The following ZC2HC1B variants were observed in gnomAD, a reference collection of about 807,000 sequenced individuals.
ZC2HC1B encodes zinc finger C2HC domain-containing protein 1B.
Under a neutral mutation model 31.0 loss-of-function variants are expected in ZC2HC1B, and 36 were observed. The observed-to-expected ratio is 1.16, with a 90% CI of 0.89 to 1.54. The LOEUF (loss-of-function observed/expected upper bound fraction) is 1.54. Ranked by LOEUF, ZC2HC1B falls within the 40% of genes most tolerant of loss-of-function variation. ZC2HC1B has a pLI of 0.00. For synonymous variants in ZC2HC1B, 73 were observed against 88.0 expected (o/e 0.83, Z 0.95); for missense variants, 260 against 268.6 (o/e 0.97, Z 0.22).
At position 143,865,411 on chromosome 6, in the gene ZC2HC1B, C is replaced by T. The variant is rs947606950; in HGVS notation, c.28+844C>T. Among the ~76,000 whole-genome samples, 1 of 152,126 alleles carries T rather than the reference C, an allele frequency of 6.6e-6. No homozygotes were observed. The highest frequency in any genetic ancestry group is 1.9e-4 in the East Asian group (1 of 5,198). On this transcript the variant is annotated intron_variant, in intron 1 of 7. Transcript: ENST00000237275. This position sits in a 1 kb window ranked among gnomAD's most constrained non-coding sequence, Gnocchi z 4.4. ...AGAAGTGCTTTCACTGCAGACAGAC[C>T]TTCCTCATGGTTGGTGCTCAGCTGT...
intron 1 of ZC2HC1B, among the ~76,000 whole-genome samples, chr6:143,867,623 A>G: frequency 6.6e-6 from 1 of 152,246 alleles, no homozygotes; most frequent in East Asian, 1.9e-4. Flanking sequence ...CAACTGATCT[A>G]GAGATCAGGA....
Position 143,883,380 on chromosome 6 carries a change from T to G in ZC2HC1B, c.29-924T>G, listed in dbSNP as rs995897424. 4.6e-5 allele frequency among the ~76,000 whole-genome samples: 7 copies of G among 152,202 alleles called. No individual in the cohort carries two copies. Among genetic ancestry groups the G allele is most frequent in the African/African-American group, 1.7e-4 (7 of 41,468 alleles). ...ACTAAACTCCGCTCTTCTCCCACTA[T>G]ACTCGCAATCCATTTGCCCCTTCTT... On this transcript the variant is annotated intron_variant, in intron 1 of 7. Transcript: ENST00000237275. This position sits in a 1 kb window ranked among gnomAD's most constrained non-coding sequence, Gnocchi z 4.1.
rs1278827566 is a variant in ZC2HC1B at position 143,868,260 on chromosome 6, G to A, written c.28+3693G>A. On this transcript the variant is annotated intron_variant, in intron 1 of 7. Coordinates refer to ENST00000237275, the MANE Select transcript of ZC2HC1B (RefSeq NM_001013623.3). The surrounding 1 kb of genome is among the most constrained non-coding windows in gnomAD (Gnocchi z 4.2). ...GTTCTCTAGAGGGATGGAACTAATA[G>A]GCTAGATCTGTATATAAAGGGGAAT... Among the ~76,000 whole-genome samples, 1 of 152,148 alleles carries A rather than the reference G, an allele frequency of 6.6e-6. No individual in the cohort carries two copies. The highest frequency in any genetic ancestry group is 1.5e-5 in the Non-Finnish European group (1 of 68,038).
At chr6:143,891,319 G>T (rs941729324) in intron 4 of ZC2HC1B, among the ~76,000 whole-genome samples, 1 of 152,072 alleles carries the variant, frequency 6.6e-6, no homozygotes, top group African/African-American at 2.4e-5. Flanking sequence ...ACTCAAGATT[G>T]TGTTATGATG....
intron 6 of ZC2HC1B, among the ~76,000 whole-genome samples, chr6:143,932,396 A>G (rs1171335088): frequency 6.6e-6 from 1 of 152,166 alleles, no homozygotes; most frequent in Non-Finnish European, 1.5e-5. Context: ...TTACTTTGAA[A>G]GCCTTTTCTT....
chr6:143,891,466 C>T (rs143481907), intron 4 of ZC2HC1B, among the ~76,000 whole-genome samples: 15 of 151,842 alleles, frequency 9.9e-5, no homozygotes, highest in Admixed American at 4.6e-4. Context: ...TTTGGGAGGC[C>T]GAGGCAGGTG....
Position 143,885,506 on chromosome 6 carries a change from G to T in ZC2HC1B, c.91-526G>T, listed in dbSNP as rs1188357179. On this transcript the variant is annotated intron_variant, in intron 2 of 7. Transcript: ENST00000237275. The surrounding 1 kb of genome is among the most constrained non-coding windows in gnomAD (Gnocchi z 4.2). The stretch of plus-strand genomic sequence containing the variant: ...TTTCTCTCTCCTTTAGCTTAAAATG[G>T]ATGGCTTGTTCTTAGCCAGTGCAGT... 6.6e-6 allele frequency among the ~76,000 whole-genome samples: 1 copy of T among 152,190 alleles called. No homozygotes were observed.
chr6:143,880,670 G>T (rs536333253), intron 1 of ZC2HC1B, among the ~76,000 whole-genome samples: 26 of 152,148 alleles, frequency 1.7e-4, no homozygotes, highest in Admixed American at 1.1e-3. Context: ...ATTAAACTCT[G>T]CTGTTGGAGC....
chr6:143,900,408 AAAAG>A (rs1017419712), intron 5 of ZC2HC1B, among the ~76,000 whole-genome samples: 15 of 151,908 alleles, frequency 9.9e-5, no homozygotes, highest in African/African-American at 3.4e-4. Flanking sequence ...AAAAAAAAGA[AAAAG>A]AAAAGAAAAA....
At position 143,869,799 on chromosome 6, in the gene ZC2HC1B, G is replaced by T. The variant is rs1391179975; in HGVS notation, c.28+5232G>T. ...AGTGGCTGTAGTCAGGTCAGCTTTG[G>T]TGAGTGGAAGTCCATGTTGCTGAGT... On this transcript the variant is annotated intron_variant, in intron 1 of 7. Transcript: ENST00000237275. The surrounding 1 kb of genome is among the most constrained non-coding windows in gnomAD (Gnocchi z 5.2). Among the ~76,000 whole-genome samples the T allele has an allele frequency of 1.3e-5, 2 of 152,176 alleles. No individual in the cohort carries two copies. The highest frequency in any genetic ancestry group is 2.9e-5 in the Non-Finnish European group (2 of 68,026).
rs1051558939 is a variant in ZC2HC1B, at chr6:143,887,816, T to C, written c.349+995T>C. On this transcript the variant is annotated intron_variant, in intron 4 of 7. Transcript: ENST00000237275. This position sits in a 1 kb window ranked among gnomAD's most constrained non-coding sequence, Gnocchi z 5.1. Reference sequence around the variant, plus strand: ...TATTAATATATCAATATTAATCTTATCAGATACAATACATGATTTGCAAAT... The same window carrying C: ...TATTAATATATCAATATTAATCTTACCAGATACAATACATGATTTGCAAAT... 6.6e-6 allele frequency among the ~76,000 whole-genome samples: 1 copy of C among 152,114 alleles called. No individual in the cohort carries two copies. The highest frequency in any genetic ancestry group is 6.6e-5 in the Admixed American group (1 of 15,264).
Position 143,874,250 on chromosome 6 carries a change from C to T in ZC2HC1B, c.28+9683C>T, listed in dbSNP as rs537111556. 2.0e-5 allele frequency among the ~76,000 whole-genome samples: 3 copies of T among 152,338 alleles called. No homozygotes were observed. In the South Asian group the frequency reaches 6.2e-4, roughly 32 times the overall value. ...TCCTCATCTCCATCTGAGATCACCT[C>T]AACCTGGACCTTATTGTTCATATCA... On this transcript the variant is annotated intron_variant, in intron 1 of 7. Coordinates refer to ENST00000237275, the MANE Select transcript of ZC2HC1B (RefSeq NM_001013623.3).
rs1282381393 is a variant in ZC2HC1B at position 143,905,690 on chromosome 6, T to C, written c.598+2538T>C. Among the ~76,000 whole-genome samples the C allele has an allele frequency of 6.6e-6, 1 of 152,224 alleles. No homozygotes were observed. The highest frequency in any genetic ancestry group is 2.4e-5 in the African/African-American group (1 of 41,450). ...CATTGAGTATGGTGATCTCTGTGGG[T>C]TTTACATGTATGGTTTTTATTATGT... On this transcript the variant is annotated intron_variant, in intron 6 of 7. Transcript: ENST00000237275. The surrounding 1 kb of genome is among the most constrained non-coding windows in gnomAD (Gnocchi z 4.2).
At chr6:143,874,985 A>T (rs1777388569) in intron 1 of ZC2HC1B, among the ~76,000 whole-genome samples, 2 of 152,038 alleles carry the variant, frequency 1.3e-5, no homozygotes, top group African/African-American at 4.8e-5. Context: ...GGTGCTCACC[A>T]CCACTTCCAG....
intron 6 of ZC2HC1B, among the ~76,000 whole-genome samples, chr6:143,910,044 G>C (rs1448314812): frequency 6.6e-6 from 1 of 152,168 alleles, no homozygotes; most frequent in East Asian, 1.9e-4. Flanking sequence ...TGGGCATTTA[G>C]TGCTGTAAAT....
chr6:143,926,728 A>G (rs1489422786), intron 6 of ZC2HC1B, among the ~76,000 whole-genome samples: 1 of 144,044 alleles, frequency 6.9e-6, no homozygotes, highest in Non-Finnish European at 1.5e-5. Flanking sequence ...TTCAACTATT[A>G]TTGTATTGGA....
Position 143,886,270 on chromosome 6 carries a change from C to G in ZC2HC1B, c.210+119C>G. ...TACAGTAATGTAATGTAACTGTAAT[C>G]CACCTTTACTTTTTTCTTTATAATC... On this transcript the variant is annotated intron_variant, in intron 3 of 7. Coordinates refer to ENST00000237275, the MANE Select transcript of ZC2HC1B (RefSeq NM_001013623.3). This position sits in a 1 kb window ranked among gnomAD's most constrained non-coding sequence, Gnocchi z 4.2. The G allele has an allele frequency of 9.0e-7, 1 of 1,112,076 alleles. No individual in the cohort carries two copies. The highest frequency in any genetic ancestry group is 1.2e-6 in the Non-Finnish European group (1 of 859,904). 68.9% of individuals were successfully genotyped at this position (1,112,076 alleles called of 1,614,324 possible). A position where few individuals can be genotyped will look rare whatever the true frequency, so the allele number is the denominator to read the frequency against.
At chr6:143,916,485 C>T (rs1412859245) in intron 6 of ZC2HC1B, among the ~76,000 whole-genome samples, 2 of 152,204 alleles carry the variant, frequency 1.3e-5, no homozygotes, top group Non-Finnish European at 2.9e-5. Flanking sequence ...TGCCGTCCTC[C>T]AGACCCCACA....
In ZC2HC1B at chr6:143,913,275, T is replaced by C. The variant is rs1418804448; in HGVS notation, c.598+10123T>C. On this transcript the variant is annotated intron_variant, in intron 6 of 7. Transcript: ENST00000237275. The surrounding 1 kb of genome is among the most constrained non-coding windows in gnomAD (Gnocchi z 5.7). The stretch of plus-strand genomic sequence containing the variant: ...TCTGGCTGTGATCTGGCAAAGCTGC[T>C]GTGTTGTACTTCTAGGGAAACCCTT... 6.6e-6 allele frequency among the ~76,000 whole-genome samples: 1 copy of C among 152,196 alleles called. No individual in the cohort carries two copies. Among genetic ancestry groups the C allele is most frequent in the Non-Finnish European group, 1.5e-5 (1 of 68,032 alleles).
Sources: gnomAD v4.1 joint callset for allele counts (sites outside exome capture counted in the v4.1 genomes callset) on GRCh38, gnomAD v4.1.1 for gene constraint, Gnocchi (gnomAD v3.1) non-coding constraint, MANE v1.5 for transcripts, NCBI Gene and HGNC (gene_info 2026-07-23, HGNC 2026-07-21) for gene names.